Variants in ATP6V0D1 observed in about 807,000 individuals in gnomAD.
ATP6V0D1 encodes ATPase H+ transporting V0 subunit d1.
ATP6V0D1 carries 13 observed loss-of-function variants against 39.0 expected under a neutral mutation model. The observed-to-expected ratio is 0.33, with a 90% CI of 0.22 to 0.53. ATP6V0D1 has a LOEUF of 0.53. Ranked by LOEUF, ATP6V0D1 falls within the 20% of genes least tolerant of loss-of-function variation. The pLI is 0.94. For missense variants in ATP6V0D1, 272 were observed against 470.9 expected (o/e 0.58, Z 3.91); for synonymous variants, 191 against 191.2 (o/e 1.00, Z 0.01).
In ATP6V0D1 at chr16:67,453,394, C is replaced by A; in HGVS notation, c.302+150G>T. On this transcript the variant is annotated intron_variant, in intron 2 of 7. Transcript: ENST00000290949. This position sits in a 1 kb window ranked among gnomAD's most constrained non-coding sequence, Gnocchi z 4.1. ...TCAGGGAGGACTCTGAAGGTAGGGT[C>A]CTGGGACACCTGGCCTGACAGAGCT... The A allele has an allele frequency of 1.1e-6, 1 of 905,436 alleles. No homozygotes were observed. The highest frequency in any genetic ancestry group is 2.4e-5 in the Admixed American group (1 of 41,270). The allele number at this position is 905,436 out of a possible 1,614,324, so 56.1% of individuals were successfully genotyped here.
intron 4 of ATP6V0D1, 121 bp downstream of exon 4, chr16:67,442,978 G>T: frequency 9.4e-7 from 1 of 1,068,046 alleles, no homozygotes; most frequent in Non-Finnish European, 1.4e-6. Context: ...GTAAGTCCCT[G>T]GGATAGGAGC....
At position 67,481,142 on chromosome 16, in the gene ATP6V0D1, A is replaced by C; in HGVS notation, c.-56T>G. 1 of 1,607,844 alleles carries C rather than the reference A, an allele frequency of 6.2e-7. No individual in the cohort carries two copies. The highest frequency in any genetic ancestry group is 8.5e-7 in the Non-Finnish European group (1 of 1,176,070). ...CCAGGACCGGCCGGCACGAATCGCG[A>C]CTCCCCAGGTCAGCTGACGCTGCGT... On this transcript the variant is annotated 5_prime_UTR_variant, in exon 1 of 8. Coordinates refer to ENST00000290949, the MANE Select transcript of ATP6V0D1 (RefSeq NM_004691.5).
Position 67,438,828 on chromosome 16 carries a change from C to T in ATP6V0D1, c.859G>A (p.Asp287Asn). The change falls in exon 7 of 8, where the codon GAC becomes AAC. Residue 287 changes from aspartate to asparagine, a missense_variant. Coordinates refer to ENST00000290949, the MANE Select transcript of ATP6V0D1 (RefSeq NM_004691.5). Reference sequence around the variant, plus strand: ...AAGAATCGGTCCTCCAGCGTCTTGTCTCCAGGGTTGCTACCTGCACCCTCG... The same window carrying T: ...AAGAATCGGTCCTCCAGCGTCTTGTTTCCAGGGTTGCTACCTGCACCCTCG... ...LFEGAGSNPG[D>N]KTLEDRFFEH... 6.2e-7 allele frequency: 1 copy of T among 1,613,780 alleles called. No individual in the cohort carries two copies. Among genetic ancestry groups the T allele is most frequent in the East Asian group, 2.2e-5 (1 of 44,852 alleles).
intron 1 of ATP6V0D1, 40 bp downstream of exon 1, chr16:67,480,917 C>G (rs1341508638): frequency 1.9e-6 from 3 of 1,610,080 alleles, no homozygotes; most frequent in Middle Eastern, 1.7e-4. Flanking sequence ...CCTCAGGCCC[C>G]GGACAGCCTC....
intron 1 of ATP6V0D1, among the ~76,000 whole-genome samples, chr16:67,462,042 C>G (rs1324287751): frequency 6.6e-6 from 1 of 152,142 alleles, no homozygotes; most frequent in Non-Finnish European, 1.5e-5. Flanking sequence ...GGCGACAGTC[C>G]CATGTGCCAA....
rs923864300 is a variant in ATP6V0D1, at chr16:67,480,050, T to C, written c.130+907A>G. On this transcript the variant is annotated intron_variant, in intron 1 of 7. Coordinates refer to ENST00000290949, the MANE Select transcript of ATP6V0D1 (RefSeq NM_004691.5). ...CCGTCTCTACTAAAAATACAAAAAATTAGCCGGGCGTAGTGGCGGGCGCCT... is the reference window on the plus strand; with the variant it reads ...CCGTCTCTACTAAAAATACAAAAAACTAGCCGGGCGTAGTGGCGGGCGCCT... Among the ~76,000 whole-genome samples the C allele has an allele frequency of 6.1e-5, 8 of 130,234 alleles. 1 individual carries two copies. Among genetic ancestry groups the C allele is most frequent in the Non-Finnish European group, 1.2e-4 (8 of 66,582 alleles). The allele number at this position is 130,234 out of a possible 152,430, so 85.4% of individuals were successfully genotyped here. A position where few individuals can be genotyped will look rare whatever the true frequency, so the allele number is the denominator to read the frequency against.
intron 1 of ATP6V0D1, among the ~76,000 whole-genome samples, chr16:67,466,403 G>T (rs1216831066): frequency 6.6e-6 from 1 of 151,014 alleles, no homozygotes; most frequent in African/African-American, 2.4e-5. Context: ...GGTGGCGCTT[G>T]CCTGTAATCC....
At chr16:67,466,342 C>G (rs895256901) in intron 1 of ATP6V0D1, among the ~76,000 whole-genome samples, 35 of 147,762 alleles carry the variant, frequency 2.4e-4, no homozygotes, top group Non-Finnish European at 4.2e-4. Flanking sequence ...CACACACACA[C>G]ACACACACAC....
chr16:67,444,313 C>G lies in ATP6V0D1; in HGVS notation c.481+215G>C, dbSNP rs1243651016. 6.6e-6 allele frequency among the ~76,000 whole-genome samples: 1 copy of G among 152,192 alleles called. No homozygotes were observed. The highest frequency in any genetic ancestry group is 1.5e-5 in the Non-Finnish European group (1 of 68,036). On this transcript the variant is annotated intron_variant, in intron 3 of 7. Transcript: ENST00000290949. The surrounding 1 kb of genome is among the most constrained non-coding windows in gnomAD (Gnocchi z 4.8). ...CAGTCCCAGTCAGGCCCTGGGTAGC[C>G]TGCCTGGCCCAGCAAAAGCAACAGG...
intron 1 of ATP6V0D1, among the ~76,000 whole-genome samples, chr16:67,462,316 G>A (rs941669186): frequency 1.3e-5 from 2 of 152,248 alleles, no homozygotes; most frequent in Admixed American, 1.3e-4. Flanking sequence ...TTGATGCCCT[G>A]CACTTTGACC....
intron 4 of ATP6V0D1, 181 bp from the exon 5 acceptor site, chr16:67,439,532 C>G (rs1404000933): frequency 1.6e-5 from 10 of 625,544 alleles, no homozygotes; most frequent in Non-Finnish European, 2.8e-5. Context: ...TGTGAATCAG[C>G]CAAGTGGCAG....
intron 2 of ATP6V0D1, among the ~76,000 whole-genome samples, chr16:67,448,644 A>G (rs1296075029): frequency 7.2e-6 from 1 of 138,298 alleles, no homozygotes; most frequent in Non-Finnish European, 1.5e-5. Context: ...TGTGCGACAG[A>G]GTGAGACTCC....
At chr16:67,452,440 G>C (rs1431932035) in intron 2 of ATP6V0D1, 2 of 1,524,402 alleles carry the variant, frequency 1.3e-6, no homozygotes, top group East Asian at 4.9e-5. Context: ...CAGGGGATAA[G>C]AATCAGGCCA....
At chr16:67,477,735 C>A (rs1597586102) in intron 1 of ATP6V0D1, among the ~76,000 whole-genome samples, 1 of 151,882 alleles carries the variant, frequency 6.6e-6, no homozygotes, top group Admixed American at 6.6e-5. Context: ...CACAGTGGCT[C>A]GATCTCGGCT....
At chr16:67,460,972 C>A (rs748314967) in intron 1 of ATP6V0D1, among the ~76,000 whole-genome samples, 1 of 152,190 alleles carries the variant, frequency 6.6e-6, no homozygotes, top group African/African-American at 2.4e-5. Flanking sequence ...GGAACCAGGC[C>A]CCTGGCCAGT....
At chr16:67,477,782 C>A (rs1443422549) in intron 1 of ATP6V0D1, among the ~76,000 whole-genome samples, 4 of 152,080 alleles carry the variant, frequency 2.6e-5, no homozygotes, top group Non-Finnish European at 1.5e-5. Context: ...ACGCCATTCT[C>A]CTACCTCAGC....
intron 1 of ATP6V0D1, 141 bp downstream of exon 1, chr16:67,480,816 G>T: frequency 7.9e-7 from 1 of 1,262,820 alleles, no homozygotes; most frequent in Non-Finnish European, 1.1e-6. Flanking sequence ...TCCCGCTCCT[G>T]CGCGTCCGCT....
At chr16:67,450,297 C>T (rs1372571026) in intron 2 of ATP6V0D1, among the ~76,000 whole-genome samples, 1 of 152,156 alleles carries the variant, frequency 6.6e-6, no homozygotes, top group South Asian at 2.1e-4. Context: ...CCTAAAAACC[C>T]CCTATTCCAA....
intron 4 of ATP6V0D1, 160 bp from the exon 5 acceptor site, chr16:67,439,511 T>C (rs962547758): frequency 1.5e-6 from 1 of 662,992 alleles, no homozygotes; most frequent in Non-Finnish European, 2.6e-6. Flanking sequence ...GCAAAGCCAA[T>C]GAAACACTTC....
Sources: allele counts gnomAD v4.1 joint callset (sites outside exome capture counted in the v4.1 genomes callset), GRCh38; gene constraint gnomAD v4.1.1; non-coding constraint Gnocchi (gnomAD v3.1); transcripts MANE v1.5; gene names NCBI Gene and HGNC (gene_info 2026-07-23, HGNC 2026-07-21).